SH3RF3: variants seen among roughly 807,000 people sequenced by gnomAD.
SH3RF3 encodes the protein SH3 domain containing ring finger 3, also known as E3 ubiquitin-protein ligase SH3RF3.
A neutral mutation model predicts 66.3 loss-of-function variants in SH3RF3; 29 were observed. The observed-to-expected ratio is 0.44, with a 90% CI of 0.33 to 0.60. The LOEUF (loss-of-function observed/expected upper bound fraction) is 0.60, where lower values mean the gene tolerates loss of function less well. Among genes scored for constraint, SH3RF3 ranks in the 20% least tolerant of loss-of-function variants. The pLI is 0.04. For synonymous variants in SH3RF3, 583 were observed against 532.0 expected, an observed-to-expected ratio of 1.10 and a Z score of -1.32; for missense variants, 1,194 against 1,190.9, an observed-to-expected ratio of 1.00 and a Z score of -0.04.
chr2:109,463,255 C>A (rs1012011345), intron 8 of SH3RF3, among the ~76,000 whole-genome samples: 1 of 152,254 alleles, frequency 6.6e-6, no homozygotes, highest in Non-Finnish European at 1.5e-5. Flanking sequence ...ATATAATGGA[C>A]TGCCAGTTGC....
chr2:109,205,465 G>T (rs1678790006), intron 1 of SH3RF3, among the ~76,000 whole-genome samples: 1 of 152,048 alleles, frequency 6.6e-6, no homozygotes, highest in Admixed American at 6.6e-5. Context: ...GGCCAGGCTG[G>T]TCTTGAACTC....
At chr2:109,347,171 C>A (rs527875242) in intron 1 of SH3RF3, among the ~76,000 whole-genome samples, 1 of 152,188 alleles carries the variant, frequency 6.6e-6, no homozygotes, top group Non-Finnish European at 1.5e-5. Flanking sequence ...TGGATACTTG[C>A]TAGAAGTCTG....
chr2:109,186,397 G>A (rs940304356), intron 1 of SH3RF3, among the ~76,000 whole-genome samples: 1 of 152,222 alleles, frequency 6.6e-6, no homozygotes, highest in African/African-American at 2.4e-5. Flanking sequence ...ATTAAGAGGC[G>A]GAGCCTCGAT....
At position 109,400,790 on chromosome 2, in the gene SH3RF3, G is replaced by A. The variant is rs531654637; in HGVS notation, c.1299+1847G>A. On this transcript the variant is annotated intron_variant, in intron 4 of 9. Transcript: ENST00000309415. Reference sequence around the variant, plus strand: ...TGCTGTAGTGTCTGGAGCTGTAACCGTGCAGTCATCTGCCCCCATGGTTAC... The same window carrying A: ...TGCTGTAGTGTCTGGAGCTGTAACCATGCAGTCATCTGCCCCCATGGTTAC... Among the ~76,000 whole-genome samples, 287 of 152,278 alleles carry A rather than the reference G, an allele frequency of 1.9e-3. 1 individual carries two copies. Among genetic ancestry groups the A allele is most frequent in the African/African-American group, 6.4e-3 (265 of 41,540 alleles).
intron 1 of SH3RF3, among the ~76,000 whole-genome samples, chr2:109,249,125 C>T (rs1259442276): frequency 6.6e-6 from 1 of 152,206 alleles, no homozygotes; most frequent in Non-Finnish European, 1.5e-5. Context: ...AAGCAATTTC[C>T]CTGTCTTGGC....
chr2:109,187,822 T>C (rs761087995), intron 1 of SH3RF3, among the ~76,000 whole-genome samples: 1 of 152,220 alleles, frequency 6.6e-6, no homozygotes, highest in African/African-American at 2.4e-5. Flanking sequence ...CCTCTGCCAT[T>C]GTGACCAGGA....
At chr2:109,209,307 AC>A (rs1678911957) in intron 1 of SH3RF3, among the ~76,000 whole-genome samples, 1 of 152,104 alleles carries the variant, frequency 6.6e-6, no homozygotes, top group South Asian at 2.1e-4. Context: ...GATTTTGGTG[AC>A]CATGACTGAG....
intron 1 of SH3RF3, among the ~76,000 whole-genome samples, chr2:109,210,340 T>A (rs546759278): frequency 1.3e-4 from 20 of 152,350 alleles, no homozygotes; most frequent in African/African-American, 4.6e-4. Context: ...ATTTCAAGAT[T>A]TTTAATGTCA....
chr2:109,346,082 A>G (rs1574587331), intron 1 of SH3RF3, among the ~76,000 whole-genome samples: 1 of 152,220 alleles, frequency 6.6e-6, no homozygotes, highest in Admixed American at 6.5e-5. Flanking sequence ...TTGTCTTGCA[A>G]ATTACCCCTT....
chr2:109,366,592 T>A (rs1262358279), intron 2 of SH3RF3, among the ~76,000 whole-genome samples: 1 of 152,246 alleles, frequency 6.6e-6, no homozygotes. Context: ...TTCATGCCTG[T>A]AATCCCAGCA....
intron 1 of SH3RF3, among the ~76,000 whole-genome samples, chr2:109,135,974 C>T (rs897474749): frequency 1.3e-5 from 2 of 152,138 alleles, no homozygotes; most frequent in South Asian, 2.1e-4. Context: ...ATCCTGAAAA[C>T]GAGCCCACCT....
chr2:109,319,823 C>T (rs921848295), intron 1 of SH3RF3, among the ~76,000 whole-genome samples: 1 of 152,218 alleles, frequency 6.6e-6, no homozygotes, highest in Non-Finnish European at 1.5e-5. Flanking sequence ...ACAAAGGCAC[C>T]TCTGTCCCCT....
rs1489396356 is a variant in SH3RF3 at position 109,385,676 on chromosome 2, C to T, written c.946-12914C>T. On this transcript the variant is annotated intron_variant, in intron 3 of 9. Transcript: ENST00000309415. ...TGAGCATCAGAGGCAGGGAGCACCC[C>T]ACACAAGCTCTCAGACCTCAAGGGG... Among the ~76,000 whole-genome samples the T allele has an allele frequency of 3.3e-5, 5 of 152,332 alleles. No homozygotes were observed. The East Asian group carries it at 9.7e-4, about 29-fold the overall frequency.
chr2:109,155,533 C>A (rs1326452817), intron 1 of SH3RF3, among the ~76,000 whole-genome samples: 1 of 152,118 alleles, frequency 6.6e-6, no homozygotes, highest in African/African-American at 2.4e-5. Flanking sequence ...GATCTCCTGA[C>A]CTCGTGATCC....
chr2:109,323,144 G>A (rs545023591), intron 1 of SH3RF3, among the ~76,000 whole-genome samples: 24 of 152,276 alleles, frequency 1.6e-4, no homozygotes, highest in African/African-American at 5.1e-4. Context: ...GAGAGGCCTC[G>A]GCTTCCAGAG....
At chr2:109,173,301 T>TG (rs1236162014) in intron 1 of SH3RF3, among the ~76,000 whole-genome samples, 1 of 152,160 alleles carries the variant, frequency 6.6e-6, no homozygotes, top group Non-Finnish European at 1.5e-5. Flanking sequence ...AGCCTGCACT[T>TG]GCGTTTTCTC....
intron 2 of SH3RF3, among the ~76,000 whole-genome samples, chr2:109,355,216 G>A (rs1682924904): frequency 6.6e-6 from 1 of 152,182 alleles, no homozygotes; most frequent in South Asian, 2.1e-4. Flanking sequence ...ACCTGTAAAC[G>A]AAATTGAGCT....
intron 2 of SH3RF3, among the ~76,000 whole-genome samples, chr2:109,367,899 A>C (rs1014125859): frequency 6.6e-6 from 1 of 152,166 alleles, no homozygotes; most frequent in Non-Finnish European, 1.5e-5. Flanking sequence ...CCTGCCCTAC[A>C]TTTATATCCC....
chr2:109,387,785 C>T lies in SH3RF3; in HGVS notation c.946-10805C>T, dbSNP rs576090388. On this transcript the variant is annotated intron_variant, in intron 3 of 9. Coordinates refer to ENST00000309415, the MANE Select transcript of SH3RF3 (RefSeq NM_001099289.3). ...TTTTGTCTGTATTTATTTCACAGTGCTAAGCAGAGCCCCTGGCCTGCAGTA... is the reference window on the plus strand; with the variant it reads ...TTTTGTCTGTATTTATTTCACAGTGTTAAGCAGAGCCCCTGGCCTGCAGTA... Among the ~76,000 whole-genome samples the T allele has an allele frequency of 2.2e-3, 339 of 152,300 alleles. 2 individuals are homozygous for T. The highest frequency in any genetic ancestry group is 7.5e-3 in the African/African-American group (311 of 41,560).
Sources: allele counts gnomAD v4.1 joint callset (sites outside exome capture counted in the v4.1 genomes callset), GRCh38; gene constraint gnomAD v4.1.1; transcripts MANE v1.5; gene names NCBI Gene and HGNC (gene_info 2026-07-23, HGNC 2026-07-21).